FSTL5: variants seen among roughly 807,000 people sequenced by gnomAD.
FSTL5 encodes follistatin like 5.
In FSTL5, 62 loss-of-function variants were observed where a neutral mutation model predicts 89.1. That is an observed-to-expected ratio of 0.70 (90% CI 0.57 to 0.86). The LOEUF (loss-of-function observed/expected upper bound fraction) is 0.86, where lower values mean the gene tolerates loss of function less well. Among genes scored for constraint, FSTL5 ranks in the 40% least tolerant of loss-of-function variants. FSTL5 has a pLI of 0.00. For missense variants in FSTL5, 1,057 were observed against 1,001.6 expected, an observed-to-expected ratio of 1.06 and a Z score of -0.75; for synonymous variants, 383 against 346.2, an observed-to-expected ratio of 1.11 and a Z score of -1.18.
At chr4:161,993,723 T>C (rs933933698) in intron 3 of FSTL5, among the ~76,000 whole-genome samples, 11 of 142,974 alleles carry the variant, frequency 7.7e-5, no homozygotes, top group African/African-American at 2.3e-4. Flanking sequence ...TTGTGTAGAT[T>C]TGGGGGAGAG....
intron 8 of FSTL5, among the ~76,000 whole-genome samples, chr4:161,566,807 A>G (rs1217613755): frequency 1.3e-5 from 2 of 152,114 alleles, no homozygotes; most frequent in African/African-American, 4.8e-5. Flanking sequence ...GAAAAGCGTT[A>G]AAAGGTATTA....
intron 15 of FSTL5, among the ~76,000 whole-genome samples, chr4:161,405,821 C>A (rs924194404): frequency 1.3e-5 from 2 of 152,056 alleles, no homozygotes; most frequent in Non-Finnish European, 2.9e-5. Flanking sequence ...AACAAAAGAT[C>A]CTAAATAAGA....
chr4:162,070,518 G>C (rs941689538), intron 2 of FSTL5, among the ~76,000 whole-genome samples: 1 of 151,738 alleles, frequency 6.6e-6, no homozygotes, highest in East Asian at 1.9e-4. Context: ...ATTTTGAGTT[G>C]ATTTTTGAAT....
At chr4:161,665,343 G>T (rs1736852604) in intron 6 of FSTL5, among the ~76,000 whole-genome samples, 1 of 152,006 alleles carries the variant, frequency 6.6e-6, no homozygotes, top group Non-Finnish European at 1.5e-5. Flanking sequence ...CCAGGTTCAC[G>T]CCATTCTCCT....
intron 8 of FSTL5, among the ~76,000 whole-genome samples, chr4:161,546,694 A>C (rs1732020018): frequency 6.6e-6 from 1 of 152,140 alleles, no homozygotes; most frequent in African/African-American, 2.4e-5. Context: ...AAAAAGTCTT[A>C]TAACATTTAA....
chr4:161,390,761 G>T (rs12374210), intron 15 of FSTL5, among the ~76,000 whole-genome samples: 16,430 of 151,604 alleles, frequency 0.11, 910 homozygotes, highest in Non-Finnish European at 0.13. Context: ...TAGAACTCTG[G>T]AAGATTTGCA....
intron 7 of FSTL5, among the ~76,000 whole-genome samples, chr4:161,642,431 A>G (rs1362613632): frequency 6.6e-6 from 1 of 152,220 alleles, no homozygotes; most frequent in Non-Finnish European, 1.5e-5. Flanking sequence ...TGATAACTGT[A>G]TGCCTTCTAT....
intron 12 of FSTL5, among the ~76,000 whole-genome samples, chr4:161,489,361 T>C (rs1030598258): frequency 5.3e-5 from 8 of 151,760 alleles, no homozygotes; most frequent in Non-Finnish European, 1.0e-4. Context: ...AAATTAAATA[T>C]CAAGAAAAGG....
intron 6 of FSTL5, among the ~76,000 whole-genome samples, chr4:161,691,195 C>T (rs1737930259): frequency 6.6e-6 from 1 of 151,602 alleles, no homozygotes; most frequent in African/African-American, 2.4e-5. Context: ...TTATTCAGTT[C>T]ATTCACTCAT....
intron 10 of FSTL5, among the ~76,000 whole-genome samples, chr4:161,525,200 G>A (rs962526083): frequency 1.3e-5 from 2 of 152,000 alleles, no homozygotes; most frequent in African/African-American, 4.8e-5. Flanking sequence ...CTTTCTTTCT[G>A]AAAGGACTTC....
At chr4:162,108,288 C>A (rs1731301139) in intron 2 of FSTL5, among the ~76,000 whole-genome samples, 2 of 152,144 alleles carry the variant, frequency 1.3e-5, no homozygotes, top group South Asian at 4.1e-4. Context: ...GATATGCCTG[C>A]ATATTTTTAT....
At chr4:161,521,660 A>C (rs923081316) in intron 10 of FSTL5, among the ~76,000 whole-genome samples, 5 of 151,956 alleles carry the variant, frequency 3.3e-5, no homozygotes, top group Non-Finnish European at 4.4e-5. Context: ...CATCCTGGCT[A>C]ACACGGTGAA....
intron 7 of FSTL5, among the ~76,000 whole-genome samples, chr4:161,588,045 A>G (rs1008401356): frequency 6.6e-6 from 1 of 152,056 alleles, no homozygotes. Context: ...GTGGTGGCAC[A>G]CACCTGTAGT....
chr4:161,677,251 T>C (rs1274977666), intron 6 of FSTL5, among the ~76,000 whole-genome samples: 2 of 151,526 alleles, frequency 1.3e-5, no homozygotes, highest in African/African-American at 4.8e-5. Context: ...AAAGAAAGAA[T>C]ACAATGAGAC....
chr4:161,800,067 A>G (rs373213936), intron 4 of FSTL5, among the ~76,000 whole-genome samples: 93 of 151,744 alleles, frequency 6.1e-4, no homozygotes, highest in African/African-American at 2.0e-3. Context: ...TAAGGCACTA[A>G]TTATACATTT....
intron 7 of FSTL5, among the ~76,000 whole-genome samples, chr4:161,650,676 T>C (rs552840392): frequency 6.6e-6 from 1 of 152,250 alleles, no homozygotes; most frequent in South Asian, 2.1e-4. Context: ...TTATTACAAA[T>C]GAAGAAACTA....
intron 13 of FSTL5, among the ~76,000 whole-genome samples, chr4:161,473,363 CTTGCTGTA>C (rs1371551475): frequency 6.6e-6 from 1 of 150,416 alleles, no homozygotes; most frequent in Non-Finnish European, 1.5e-5. Context: ...TTTAAATCTG[CTTGCTGTA>C]TTGCTGTATT....
intron 3 of FSTL5, among the ~76,000 whole-genome samples, chr4:162,007,204 G>A (rs1736638759): frequency 6.6e-6 from 1 of 151,784 alleles, no homozygotes; most frequent in African/African-American, 2.4e-5. Flanking sequence ...GGAGTGCTAT[G>A]TTAAGCAAGC....
intron 10 of FSTL5, among the ~76,000 whole-genome samples, chr4:161,519,993 C>T (rs1007634026): frequency 4.0e-5 from 6 of 151,828 alleles, no homozygotes; most frequent in Non-Finnish European, 7.4e-5. Flanking sequence ...ATATCCTAGG[C>T]GGAACTCAAG....
Sources: gnomAD v4.1 joint callset for allele counts (sites outside exome capture counted in the v4.1 genomes callset) on GRCh38, gnomAD v4.1.1 for gene constraint, MANE v1.5 for transcripts, NCBI Gene and HGNC (gene_info 2026-07-23, HGNC 2026-07-21) for gene names.